The following DLGAP2 variants were observed in gnomAD, a reference collection of about 807,000 sequenced individuals.
The protein encoded by DLGAP2 is disks large-associated protein 2.
A neutral mutation model predicts 100.3 loss-of-function variants in DLGAP2; 26 were observed. The ratio of observed to expected loss-of-function variants is 0.26; its 90% CI spans 0.19 to 0.36. The LOEUF (loss-of-function observed/expected upper bound fraction) is 0.36, where lower values mean the gene tolerates loss of function less well. Ranked by LOEUF, DLGAP2 falls within the 10% of genes least tolerant of loss-of-function variation. The pLI, the probability that DLGAP2 is intolerant of heterozygous loss-of-function variation, is 1.00. For synonymous variants in DLGAP2, 886 were observed against 630.1 expected (o/e 1.41, Z -6.08); for missense variants, 1,858 against 1,453.2 (o/e 1.28, Z -4.53).
chr8:985,384 A>G (rs1045408648), intron 2 of DLGAP2, among the ~76,000 whole-genome samples: 2 of 152,182 alleles, frequency 1.3e-5, no homozygotes, highest in African/African-American at 4.8e-5. Context: ...CAGAACTGTG[A>G]TTTCCATACT....
At chr8:786,260 G>A (rs893014126) in intron 1 of DLGAP2, among the ~76,000 whole-genome samples, 2 of 152,138 alleles carry the variant, frequency 1.3e-5, no homozygotes, top group African/African-American at 4.8e-5. Flanking sequence ...GCCTCCGAAA[G>A]CCTGCAGAGA....
chr8:1,139,082 T>G (rs976475166), intron 2 of DLGAP2, among the ~76,000 whole-genome samples: 5 of 152,264 alleles, frequency 3.3e-5, no homozygotes, highest in African/African-American at 1.2e-4. Flanking sequence ...TCCTGGTTGT[T>G]CAGGTGTTTC....
chr8:843,155 T>A (rs1797013236), intron 1 of DLGAP2, among the ~76,000 whole-genome samples: 1 of 152,374 alleles, frequency 6.6e-6, no homozygotes, highest in East Asian at 1.9e-4. Context: ...GTGATCTTAA[T>A]GTAGGTGAAC....
intron 2 of DLGAP2, chr8:1,019,526 G>C (rs1801567873): frequency 6.6e-6 from 1 of 151,794 alleles, no homozygotes; most frequent in Non-Finnish European, 1.5e-5. Context: ...TAAAGAGAGG[G>C]GCAGAGCGAC....
intron 2 of DLGAP2, among the ~76,000 whole-genome samples, chr8:1,127,638 G>A (rs1322702657): frequency 6.6e-6 from 1 of 152,204 alleles, no homozygotes; most frequent in Non-Finnish European, 1.5e-5. Context: ...GCAGCCCCAG[G>A]CCCCTCCTTT....
chr8:1,092,560 G>T lies in DLGAP2; in HGVS notation c.74-166291G>T, dbSNP rs541600076. Among the ~76,000 whole-genome samples, 5 of 152,334 alleles carry T rather than the reference G, an allele frequency of 3.3e-5. No individual in the cohort carries two copies. In the East Asian group the frequency reaches 9.7e-4, roughly 29 times the overall value. ...GGAAGAGGGGGCTGTGGCCGGCTCT[G>T]TGGCATCCACAGGTGGACCCACTTC... is the stretch of plus-strand genomic sequence containing the variant. On this transcript the variant is annotated intron_variant, in intron 2 of 14. Coordinates refer to ENST00000637795, the MANE Select transcript of DLGAP2 (RefSeq NM_001346810.2).
At chr8:1,505,836 A>G (rs756734192) in intron 4 of DLGAP2, among the ~76,000 whole-genome samples, 1 of 152,154 alleles carries the variant, frequency 6.6e-6, no homozygotes, top group Non-Finnish European at 1.5e-5. Flanking sequence ...CCCGAATGTT[A>G]TATTTAAATC....
chr8:1,049,861 C>T (rs548658929), intron 2 of DLGAP2, among the ~76,000 whole-genome samples: 16 of 142,092 alleles, frequency 1.1e-4, no homozygotes, highest in East Asian at 8.5e-4. Flanking sequence ...TATGTGCACA[C>T]GCATTTACAG....
At chr8:877,118 G>A (rs1797700239) in intron 1 of DLGAP2, among the ~76,000 whole-genome samples, 1 of 151,362 alleles carries the variant, frequency 6.6e-6, no homozygotes, top group African/African-American at 2.4e-5. Context: ...TAATAAACCT[G>A]GCCTCTGGTC....
intron 2 of DLGAP2, among the ~76,000 whole-genome samples, chr8:1,221,603 C>A (rs988470659): frequency 6.6e-6 from 1 of 152,070 alleles, no homozygotes; most frequent in Admixed American, 6.5e-5. Context: ...TATTATCTCT[C>A]AGGGGTTCTC....
At chr8:1,514,847 C>G (rs1057366780) in intron 4 of DLGAP2, among the ~76,000 whole-genome samples, 11 of 152,186 alleles carry the variant, frequency 7.2e-5, no homozygotes, top group Non-Finnish European at 1.3e-4. Context: ...CGTGATGCCA[C>G]CCAGAGTCTG....
chr8:1,202,239 G>A (rs1454339645), intron 2 of DLGAP2, among the ~76,000 whole-genome samples: 1 of 88,452 alleles, frequency 1.1e-5, no homozygotes, highest in Non-Finnish European at 2.1e-5. Context: ...ATGTATAGAT[G>A]CAGTGTGTGT....
At chr8:867,446 G>A (rs779864073) in intron 1 of DLGAP2, among the ~76,000 whole-genome samples, 4 of 152,318 alleles carry the variant, frequency 2.6e-5, no homozygotes, top group East Asian at 1.9e-4. Context: ...TCTAACAGGC[G>A]CTAATCCTTG....
intron 3 of DLGAP2, among the ~76,000 whole-genome samples, chr8:1,485,917 A>C (rs927737972): frequency 6.6e-6 from 1 of 152,118 alleles, no homozygotes; most frequent in East Asian, 1.9e-4. Flanking sequence ...CCAGCTACTC[A>C]GGAGGAGGCT....
chr8:1,004,743 A>T (rs1230211543), intron 2 of DLGAP2, among the ~76,000 whole-genome samples: 1 of 152,164 alleles, frequency 6.6e-6, no homozygotes, highest in Non-Finnish European at 1.5e-5. Context: ...TCGGCTTCAC[A>T]CCAGTAGGTC....
chr8:1,628,929 C>T (rs1419380492), intron 7 of DLGAP2, among the ~76,000 whole-genome samples: 1 of 152,244 alleles, frequency 6.6e-6, no homozygotes, highest in Admixed American at 6.5e-5. Context: ...AGTACACAGT[C>T]AATTTTAGAT....
intron 2 of DLGAP2, among the ~76,000 whole-genome samples, chr8:942,872 A>C (rs1435503074): frequency 6.6e-6 from 1 of 152,216 alleles, no homozygotes; most frequent in African/African-American, 2.4e-5. Context: ...GTCTGGAGGA[A>C]GACAGTGCAG....
chr8:1,391,328 G>A (rs1235169065), intron 3 of DLGAP2, among the ~76,000 whole-genome samples: 1 of 152,182 alleles, frequency 6.6e-6, no homozygotes, highest in African/African-American at 2.4e-5. Context: ...GTACCCTGCA[G>A]AACGACCTGG....
intron 2 of DLGAP2, among the ~76,000 whole-genome samples, chr8:990,038 T>A (rs1240125788): frequency 6.6e-6 from 1 of 152,084 alleles, no homozygotes; most frequent in Non-Finnish European, 1.5e-5. Flanking sequence ...TGTGCCAGCA[T>A]GATGGCTTCA....
Sources: gnomAD v4.1 joint callset for allele counts (sites outside exome capture counted in the v4.1 genomes callset) on GRCh38, gnomAD v4.1.1 for gene constraint, MANE v1.5 for transcripts, NCBI Gene and HGNC (gene_info 2026-07-23, HGNC 2026-07-21) for gene names.